Variants in SNX8 observed in about 807,000 individuals in gnomAD.
The protein encoded by SNX8 is sorting nexin 8, also known as sorting nexin-8.
A neutral mutation model predicts 51.6 loss-of-function variants in SNX8; 25 were observed. The ratio of observed to expected loss-of-function variants is 0.48; its 90% CI spans 0.35 to 0.68. The LOEUF (loss-of-function observed/expected upper bound fraction) is 0.68. SNX8 is among the 30% of genes least tolerant of loss of function. The probability of loss-of-function intolerance (pLI) is 0.00; values close to 1 mark genes in which losing one functional copy is unlikely to be tolerated. For synonymous variants in SNX8, 324 were observed against 277.0 expected, an observed-to-expected ratio of 1.17 and a Z score of -1.68; for missense variants, 695 against 624.0, an observed-to-expected ratio of 1.11 and a Z score of -1.21.
rs1435309720 is a variant in SNX8 at position 2,303,656 on chromosome 7, A to C, written c.94+10672T>G. Among the ~76,000 whole-genome samples the C allele has an allele frequency of 7.6e-3, 1,150 of 151,922 alleles. 7 individuals are homozygous for C. Among genetic ancestry groups the C allele is most frequent in the Admixed American group, 0.012 (181 of 15,230 alleles). On this transcript the variant is annotated intron_variant, in intron 1 of 10. Transcript: ENST00000222990. ...GATCCTGTTGATCTGTGACCTTACC[A>C]CCAACCCTGTGCTCTCTGAAACATG...
chr7:2,352,737 G>C (rs1779176732), intron 1 of SNX8, among the ~76,000 whole-genome samples: 1 of 152,134 alleles, frequency 6.6e-6, no homozygotes, highest in Non-Finnish European at 1.5e-5. Context: ...TTGGGAGGCT[G>C]AGGCAAGAGA....
In SNX8 at chr7:2,299,285, GA is replaced by G. The variant is rs993864195; in HGVS notation, c.94+15042del. 9.0e-4 allele frequency: 135 copies of G among 149,300 alleles called. No homozygotes were observed. The Middle Eastern group carries it at 0.014, about 15-fold the overall frequency. 9.2% of individuals were successfully genotyped at this position (149,300 alleles called of 1,614,324 possible). A position where few individuals can be genotyped will look rare whatever the true frequency, so the allele number is the denominator to read the frequency against. ...ATGCAAGAGACCAGACCACAAAGGG[GA>G]AAAAAAAAATCACTGGTTCCACGTC... On this transcript the variant is annotated intron_variant, in intron 1 of 10. Coordinates refer to ENST00000222990, the MANE Select transcript of SNX8 (RefSeq NM_013321.4).
chr7:2,274,918 G>T, intron 3 of SNX8, 194 bp downstream of exon 3: 2 of 560,332 alleles, frequency 3.6e-6, no homozygotes, highest in Non-Finnish European at 6.4e-6. Flanking sequence ...AGGCTGCCGG[G>T]TGCCAGTCTC....
intron 1 of SNX8, among the ~76,000 whole-genome samples, chr7:2,327,236 CTTTTA>C (rs746094613): frequency 9.6e-4 from 146 of 151,898 alleles, no homozygotes; most frequent in Non-Finnish European, 1.6e-3. Context: ...TTCCTTTTTC[CTTTTA>C]TTTTCTTTTT....
At chr7:2,303,006 G>C (rs1048579453) in intron 1 of SNX8, among the ~76,000 whole-genome samples, 4 of 151,938 alleles carry the variant, frequency 2.6e-5, no homozygotes, top group African/African-American at 9.7e-5. Flanking sequence ...GTCCGGGACA[G>C]AGGTGGGGGT....
At chr7:2,345,241 T>C (rs1029360395) in intron 1 of SNX8, among the ~76,000 whole-genome samples, 1 of 152,232 alleles carries the variant, frequency 6.6e-6, no homozygotes, top group African/African-American at 2.4e-5. Context: ...GATATATTCA[T>C]GCAATGTATA....
chr7:2,327,480 T>C (rs1778643181), intron 1 of SNX8, among the ~76,000 whole-genome samples: 1 of 151,980 alleles, frequency 6.6e-6, no homozygotes, highest in South Asian at 2.1e-4. Flanking sequence ...CGATCTCGGC[T>C]CACTGCAAGC....
At chr7:2,277,925 T>C (rs1795819388) in intron 2 of SNX8, among the ~76,000 whole-genome samples, 175 bp downstream of exon 2, 1 of 151,812 alleles carries the variant, frequency 6.6e-6, no homozygotes, top group African/African-American at 2.4e-5. Context: ...AGCAGAGGTG[T>C]GGAAAAGTCA....
At chr7:2,259,616 G>A (rs1214459369) in intron 7 of SNX8, among the ~76,000 whole-genome samples, 5 of 152,148 alleles carry the variant, frequency 3.3e-5, no homozygotes, top group African/African-American at 4.8e-5. Flanking sequence ...GAGGCTCCCC[G>A]GCCACCAACC....
intron 5 of SNX8, among the ~76,000 whole-genome samples, chr7:2,266,675 G>C (rs113234381): frequency 0.019 from 2,828 of 151,486 alleles, 50 homozygotes; most frequent in East Asian, 0.048. Flanking sequence ...GCTTTTTTTT[G>C]TTTTCCTTTT....
At chr7:2,302,228 G>A (rs569678772) in intron 1 of SNX8, among the ~76,000 whole-genome samples, 99 of 152,340 alleles carry the variant, frequency 6.5e-4, no homozygotes, top group African/African-American at 2.0e-3. Flanking sequence ...TCAGCCTGCC[G>A]AGTGCCTGCG....
At chr7:2,273,098 T>A (rs1795686960) in intron 3 of SNX8, among the ~76,000 whole-genome samples, 1 of 151,980 alleles carries the variant, frequency 6.6e-6, no homozygotes, top group Non-Finnish European at 1.5e-5. Context: ...CCTCCCAAAG[T>A]GCTGGGATTA....
intron 1 of SNX8, among the ~76,000 whole-genome samples, chr7:2,298,035 T>C (rs574711128): frequency 6.6e-6 from 1 of 152,056 alleles, no homozygotes; most frequent in South Asian, 2.1e-4. Flanking sequence ...GAAATAAAAA[T>C]ATTTTTTTAA....
chr7:2,252,694 C>T lies in SNX8; in HGVS notation c.*2362G>A, dbSNP rs1380846496. 7.9e-6 allele frequency: 1 copy of T among 127,036 alleles called. No individual in the cohort carries two copies. The highest frequency in any genetic ancestry group is 2.9e-5 in the African/African-American group (1 of 34,408). 7.9% of individuals were successfully genotyped at this position (127,036 alleles called of 1,614,324 possible). On this transcript the variant is annotated 3_prime_UTR_variant, in exon 11 of 11. Transcript: ENST00000222990. ...TGCCCCCCCACCTCCCTCCTGCCTTCCCACCCCTGCCCTCTTGCTCTCCTC... is the reference window on the plus strand; with the variant it reads ...TGCCCCCCCACCTCCCTCCTGCCTTTCCACCCCTGCCCTCTTGCTCTCCTC...
At chr7:2,288,344 T>G (rs1490646166) in intron 1 of SNX8, 2 of 141,490 alleles carry the variant, frequency 1.4e-5, no homozygotes, top group African/African-American at 6.1e-5. Context: ...AGCAAGACTG[T>G]CTTAAAAAAA....
Position 2,294,374 on chromosome 7 carries a change from G to A in SNX8, c.95-16069C>T, listed in dbSNP as rs544032615. ...TAATCACAAAGACAGGCAGTCACCAGTACTGGCAAGGACTTGGAGATTGGA... is the reference window on the plus strand; with the variant it reads ...TAATCACAAAGACAGGCAGTCACCAATACTGGCAAGGACTTGGAGATTGGA... On this transcript the variant is annotated intron_variant, in intron 1 of 10. Transcript: ENST00000222990. Among the ~76,000 whole-genome samples, 10 of 152,322 alleles carry A rather than the reference G, an allele frequency of 6.6e-5. No homozygotes were observed. The South Asian group carries it at 1.9e-3, about 28-fold the overall frequency.
chr7:2,342,413 G>C (rs977281563), intron 1 of SNX8, among the ~76,000 whole-genome samples: 5 of 151,930 alleles, frequency 3.3e-5, no homozygotes, highest in African/African-American at 4.8e-5. Context: ...CAGCACTTTG[G>C]GGGGCTGAGG....
At chr7:2,276,989 A>G (rs1367031814) in intron 2 of SNX8, among the ~76,000 whole-genome samples, 3 of 152,236 alleles carry the variant, frequency 2.0e-5, no homozygotes, top group African/African-American at 7.2e-5. Context: ...ACCCAGGACC[A>G]TCTGCTCATG....
At position 2,333,907 on chromosome 7, in the gene SNX8, C is replaced by T. The variant is rs974862829; in HGVS notation, c.-66+20315G>A. 4.0e-5 allele frequency among the ~76,000 whole-genome samples: 6 copies of T among 151,752 alleles called. No homozygotes were observed. The South Asian group carries it at 1.2e-3, about 32-fold the overall frequency. On this transcript the variant is annotated intron_variant, in intron 1 of 5. Transcript: ENST00000435336. Reference sequence around the variant, plus strand: ...ATCCCAGCACTTTGGGAGGCCAAGGCGGGAGGATCACTTGAAACTGGGAGT... The same window carrying T: ...ATCCCAGCACTTTGGGAGGCCAAGGTGGGAGGATCACTTGAAACTGGGAGT...
Sources: gnomAD v4.1 joint callset for allele counts (sites outside exome capture counted in the v4.1 genomes callset) on GRCh38, gnomAD v4.1.1 for gene constraint, MANE v1.5 for transcripts, NCBI Gene and HGNC (gene_info 2026-07-23, HGNC 2026-07-21) for gene names.